CACNA2D3: variants seen among roughly 807,000 people sequenced by gnomAD.
CACNA2D3 encodes the protein voltage-dependent calcium channel subunit alpha-2/delta-3.
A neutral mutation model predicts 160.6 loss-of-function variants in CACNA2D3; 60 were observed. The observed-to-expected ratio is 0.37, with a 90% confidence interval of 0.30 to 0.46. CACNA2D3 has a LOEUF of 0.46. Ranked by LOEUF, CACNA2D3 falls within the 20% of genes least tolerant of loss-of-function variation. The pLI is 1.00. For missense variants in CACNA2D3, 1,205 were observed against 1,365.0 expected, an observed-to-expected ratio of 0.88 and a Z score of 1.85; for synonymous variants, 558 against 492.9, an observed-to-expected ratio of 1.13 and a Z score of -1.75.
At chr3:54,229,557 A>C (rs2107390354) in intron 2 of CACNA2D3, among the ~76,000 whole-genome samples, 1 of 151,566 alleles carries the variant, frequency 6.6e-6, no homozygotes, top group Non-Finnish European at 1.5e-5. Flanking sequence ...CTGGCCTCAA[A>C]CTCCTGGCCT....
intron 14 of CACNA2D3, among the ~76,000 whole-genome samples, chr3:54,820,100 A>T (rs751650783): frequency 2.0e-5 from 3 of 152,186 alleles, no homozygotes; most frequent in Non-Finnish European, 2.9e-5. Context: ...ACCCCCAGCC[A>T]CTACAGCTTT....
chr3:54,918,249 CTTTAT>C (rs1445792565), intron 27 of CACNA2D3: 4 of 543,432 alleles, frequency 7.4e-6, no homozygotes, highest in Non-Finnish European at 1.3e-5. Flanking sequence ...CAAGTATCAT[CTTTAT>C]TTTACCTATA....
intron 4 of CACNA2D3, among the ~76,000 whole-genome samples, chr3:54,411,423 A>T (rs529127504): frequency 6.6e-6 from 1 of 152,214 alleles, no homozygotes; most frequent in African/African-American, 2.4e-5. Flanking sequence ...AGTCACTCCA[A>T]CCTTTAGCAA....
At chr3:55,013,006 T>A (rs958658409) in intron 34 of CACNA2D3, among the ~76,000 whole-genome samples, 1 of 152,192 alleles carries the variant, frequency 6.6e-6, no homozygotes, top group Non-Finnish European at 1.5e-5. Flanking sequence ...TAAGGAGCTT[T>A]GTAGAAAGGA....
chr3:54,204,311 A>G (rs1224499364), intron 2 of CACNA2D3, among the ~76,000 whole-genome samples: 1 of 152,078 alleles, frequency 6.6e-6, no homozygotes, highest in Non-Finnish European at 1.5e-5. Flanking sequence ...GTATGGAAAT[A>G]TATGTGTGTG....
chr3:54,500,092 T>C (rs1159837249), intron 4 of CACNA2D3, among the ~76,000 whole-genome samples: 2 of 152,200 alleles, frequency 1.3e-5, no homozygotes, highest in Non-Finnish European at 2.9e-5. Context: ...CATACTACAT[T>C]AAGGATTGCT....
Position 54,816,802 on chromosome 3 carries a change from T to C in CACNA2D3, c.1381-51T>C, listed in dbSNP as rs2106713281. ...ATGAAGCTTTACCATTAATTACTTATATAATGATCAACTTTTTTCTTTTTT... is the reference window on the plus strand; with the variant it reads ...ATGAAGCTTTACCATTAATTACTTACATAATGATCAACTTTTTTCTTTTTT... On this transcript the variant is annotated intron_variant, in intron 13 of 37. Transcript: ENST00000474759. 7 of 1,602,188 alleles carry C rather than the reference T, an allele frequency of 4.4e-6. No individual in the cohort carries two copies. In the South Asian group the frequency reaches 4.4e-5, roughly 10 times the overall value.
In CACNA2D3 at chr3:54,733,436, A is replaced by G. The variant is rs150373802; in HGVS notation, c.1168-19163A>G. 5.9e-5 allele frequency among the ~76,000 whole-genome samples: 9 copies of G among 152,330 alleles called. No individual in the cohort carries two copies. In the East Asian group the frequency reaches 1.7e-3, roughly 29 times the overall value. ...ACCAGGATAAGCAGATCAGGGTAGA[A>G]GCAATTTGCCCTATCCCAAAGGGGC... On this transcript the variant is annotated intron_variant, in intron 11 of 37. Transcript: ENST00000474759.
At chr3:54,128,013 C>T (rs1699630470) in intron 2 of CACNA2D3, among the ~76,000 whole-genome samples, 1 of 151,982 alleles carries the variant, frequency 6.6e-6, no homozygotes, top group Non-Finnish European at 1.5e-5. Flanking sequence ...CTGCTGCGGC[C>T]TGTGTTGCTC....
intron 11 of CACNA2D3, among the ~76,000 whole-genome samples, chr3:54,748,123 C>T (rs778039141): frequency 2.6e-5 from 4 of 152,196 alleles, no homozygotes; most frequent in Non-Finnish European, 4.4e-5. Context: ...TGGATTCTCT[C>T]AGAAACACAA....
chr3:54,811,707 G>C (rs1447660147), intron 13 of CACNA2D3, among the ~76,000 whole-genome samples: 1 of 151,820 alleles, frequency 6.6e-6, no homozygotes, highest in Non-Finnish European at 1.5e-5. Context: ...CGCCATGTTG[G>C]CCATGCTGGT....
At chr3:54,551,525 C>A (rs1702156680) in intron 5 of CACNA2D3, among the ~76,000 whole-genome samples, 1 of 152,082 alleles carries the variant, frequency 6.6e-6, no homozygotes, top group Non-Finnish European at 1.5e-5. Context: ...AAGAGAAAGC[C>A]TCAGTGAGCT....
At chr3:54,864,014 A>C (rs963354687) in intron 17 of CACNA2D3, among the ~76,000 whole-genome samples, 10 of 152,016 alleles carry the variant, frequency 6.6e-5, no homozygotes, top group African/African-American at 2.4e-4. Flanking sequence ...ATAGAGGCTC[A>C]TTGGCATTTT....
intron 9 of CACNA2D3, among the ~76,000 whole-genome samples, chr3:54,592,407 G>C (rs544205660): frequency 6.2e-4 from 95 of 152,268 alleles, no homozygotes; most frequent in Non-Finnish European, 9.1e-4. Flanking sequence ...ATTGTTTACT[G>C]TCTGGAGAGA....
intron 4 of CACNA2D3, among the ~76,000 whole-genome samples, chr3:54,479,256 C>A (rs1700893297): frequency 6.6e-6 from 1 of 152,120 alleles, no homozygotes; most frequent in African/African-American, 2.4e-5. Flanking sequence ...TGAGGCCTCT[C>A]CAGCCAAGCT....
chr3:54,231,239 T>C (rs1368688665), intron 2 of CACNA2D3, among the ~76,000 whole-genome samples: 3 of 152,160 alleles, frequency 2.0e-5, no homozygotes, highest in Non-Finnish European at 4.4e-5. Flanking sequence ...TGTTTCTGTT[T>C]GGTGAAATCC....
intron 3 of CACNA2D3, among the ~76,000 whole-genome samples, chr3:54,382,954 C>T (rs1699128144): frequency 6.6e-6 from 1 of 152,126 alleles, no homozygotes; most frequent in South Asian, 2.1e-4. Context: ...CTCAAGTGAT[C>T]CTCCCACCTG....
chr3:54,293,562 A>ATT (rs966760811), intron 2 of CACNA2D3, among the ~76,000 whole-genome samples: 7 of 102,622 alleles, frequency 6.8e-5, no homozygotes, highest in African/African-American at 2.3e-4. Context: ...GTAATATTCT[A>ATT]TTATATATAT....
At chr3:54,846,553 A>C in intron 17 of CACNA2D3, 86 bp downstream of exon 17, 1 of 836,574 alleles carries the variant, frequency 1.2e-6, no homozygotes. Flanking sequence ...ACTTTGCTGC[A>C]GTTTTCACTT....
Sources: allele counts gnomAD v4.1 joint callset (sites outside exome capture counted in the v4.1 genomes callset), GRCh38; gene constraint gnomAD v4.1.1; transcripts MANE v1.5; gene names NCBI Gene and HGNC (gene_info 2026-07-23, HGNC 2026-07-21).